The following NFATC4 variants were observed in gnomAD, a reference collection of about 807,000 sequenced individuals.
NFATC4 encodes nuclear factor of activated T-cells, cytoplasmic 4.
Under a neutral mutation model 73.4 loss-of-function variants are expected in NFATC4, and 25 were observed. That is an observed-to-expected ratio of 0.34 (90% CI 0.25 to 0.48). NFATC4 has a LOEUF of 0.48. Ranked by LOEUF, NFATC4 falls within the 20% of genes least tolerant of loss-of-function variation. The probability of loss-of-function intolerance (pLI) is 0.99; values close to 1 mark genes in which losing one functional copy is unlikely to be tolerated. For missense variants in NFATC4, 1,130 were observed against 1,203.7 expected (o/e 0.94, Z 0.91); for synonymous variants, 523 against 510.3 (o/e 1.02, Z -0.34).
intron 1 of NFATC4, chr14:24,369,083 C>T (rs1301218767): frequency 5.7e-6 from 8 of 1,413,480 alleles, no homozygotes; most frequent in African/African-American, 1.4e-5. Flanking sequence ...CCTCTGGCCA[C>T]GGTTGCGATG....
intron 6 of NFATC4, among the ~76,000 whole-genome samples, chr14:24,374,875 G>A (rs1407717956): frequency 6.6e-6 from 1 of 152,152 alleles, no homozygotes; most frequent in African/African-American, 2.4e-5. Flanking sequence ...GTGGAGGAAG[G>A]GAAGACTGAG....
chr14:24,370,214 C>T lies in NFATC4; in HGVS notation c.816C>T (p.Ser272=), dbSNP rs1268316910. 6.2e-7 allele frequency: 1 copy of T among 1,610,348 alleles called. No homozygotes were observed. Among genetic ancestry groups the T allele is most frequent in the African/African-American group, 1.3e-5 (1 of 75,056 alleles). ...PASPCGKRRY[S]SSGTPSSASP... is the part of the protein sequence containing the mutation. ...CTCCATGTGGCAAGCGGCGCTATTC[C>T]AGCTCGGGAACCCCATCTTCAGCCT... is the stretch of plus-strand genomic sequence containing the variant. Residue 272 remains serine, a synonymous_variant, in exon 2 of 10, where the codon TCC becomes TCT. Transcript: ENST00000250373.
At chr14:24,367,249 C>T (rs779997119), upstream of NFATC4, 72 of 1,610,286 alleles carry the variant, frequency 4.5e-5, 1 homozygote, top group Admixed American at 8.4e-5. Flanking sequence ...GGCGGGGGGG[C>T]CAAGGAGGGG....
rs56240078 is a variant in NFATC4 at position 24,378,529 on chromosome 14, C to G, written c.*824C>G. On this transcript the variant is annotated 3_prime_UTR_variant, in exon 10 of 10. Transcript: ENST00000250373. ...ACTCCTGGGCTCCTGTCCCCAGCCC[C>G]CATTCAGACACGCTGACTCAGGAGG... 10,382 of 152,982 alleles carry G rather than the reference C, an allele frequency of 0.068. 411 individuals are homozygous for G. Among genetic ancestry groups the G allele is most frequent in the African/African-American group, 0.096 (4,008 of 41,546 alleles). 9.5% of individuals were successfully genotyped at this position (152,982 alleles called of 1,614,324 possible).
chr14:24,368,984 A>G (rs940153235), intron 1 of NFATC4: 1 of 1,129,148 alleles, frequency 8.9e-7, no homozygotes, highest in African/African-American at 1.6e-5. Flanking sequence ...AGCACGCATC[A>G]CCCCCTCGGC....
chr14:24,370,803 T>A (rs941215316), intron 2 of NFATC4, among the ~76,000 whole-genome samples: 2 of 152,188 alleles, frequency 1.3e-5, no homozygotes, highest in African/African-American at 4.8e-5. Flanking sequence ...GGGCAACAGT[T>A]CCCTGTGGGA....
At position 24,377,490 on chromosome 14, in the gene NFATC4, A is replaced by T. The variant is rs1157109936; in HGVS notation, c.2642-148A>T. On this transcript the variant is annotated intron_variant, in intron 9 of 9. Coordinates refer to ENST00000250373, the MANE Select transcript of NFATC4 (RefSeq NM_004554.5). This position sits in a 1 kb window ranked among gnomAD's most constrained non-coding sequence, Gnocchi z 4.2. Reference sequence around the variant, plus strand: ...AGCAGGTGTCAAGACGTGTTGGGGAAACTGAGGCCCAGTGGAATAGAAGCC... The same window carrying T: ...AGCAGGTGTCAAGACGTGTTGGGGATACTGAGGCCCAGTGGAATAGAAGCC... 2 of 1,461,522 alleles carry T rather than the reference A, an allele frequency of 1.4e-6. No individual in the cohort carries two copies. Among genetic ancestry groups the T allele is most frequent in the Non-Finnish European group, 1.8e-6 (2 of 1,109,926 alleles). 90.5% of individuals were successfully genotyped at this position (1,461,522 alleles called of 1,614,324 possible). A position where few individuals can be genotyped will look rare whatever the true frequency, so the allele number is the denominator to read the frequency against.
At position 24,376,473 on chromosome 14, in the gene NFATC4, C is replaced by A. The variant is rs762313742; in HGVS notation, c.2236C>A (p.Pro746Thr). 21 of 1,613,574 alleles carry A rather than the reference C, an allele frequency of 1.3e-5. No individual in the cohort carries two copies. In the African/African-American group the frequency reaches 2.5e-4, roughly 20 times the overall value. Residue 746 changes from proline to threonine, a missense_variant, in exon 9 of 10, where the codon CCC becomes ACC. Around this residue, in one of 3 missense-constraint regions of NFATC4, gnomAD observed 390 missense variants for 408.1 expected, o/e 0.96. Transcript: ENST00000250373. This position sits in a 1 kb window ranked among gnomAD's most constrained non-coding sequence, Gnocchi z 5.0. ...YLSEGFGYGM[P>T]PLYPQTGPPP... ...ATCAGAAGGCTTCGGCTATGGCATG[C>A]CCCCTCTGTACCCCCAGACGGGGCC...
Position 24,374,363 on chromosome 14 carries a change from C to T in NFATC4, c.1770C>T (p.Ala590=), listed in dbSNP as rs377748325. 61 of 1,613,690 alleles carry T rather than the reference C, an allele frequency of 3.8e-5. No individual in the cohort carries two copies. The highest frequency in any genetic ancestry group is 4.5e-5 in the Non-Finnish European group (53 of 1,179,928). The change falls in exon 6 of 10, where the codon GCC becomes GCT. Residue 590 remains alanine (A), a synonymous_variant. Transcript: ENST00000250373. Reference sequence around the variant, plus strand: ...CCCAGGAGCTGCCCCAGGTGGAGGCCTACAGCCCCAGTGCCTGCTCTGTGA... The same window carrying T: ...CCCAGGAGCTGCCCCAGGTGGAGGCTTACAGCCCCAGTGCCTGCTCTGTGA... The part of the protein sequence containing the change: ...RSAQELPQVE[A]YSPSACSVRG...
In NFATC4 at chr14:24,376,600, C is replaced by T; in HGVS notation, c.2363C>T (p.Pro788Leu). Residue 788 changes from proline (P) to leucine (L), a missense_variant, in exon 9 of 10, where the codon CCT (proline) becomes CTT (leucine). Physicochemically the swap from Pro to Leu is moderately conservative, Grantham distance 98. Coordinates refer to ENST00000250373, the MANE Select transcript of NFATC4 (RefSeq NM_004554.5). This position sits in a 1 kb window ranked among gnomAD's most constrained non-coding sequence, Gnocchi z 5.0. The stretch of plus-strand genomic sequence containing the variant: ...GTTTCCTTCCTTCCCCGCCCCTTCC[C>T]TAGTGACCCGTATGGAGGGCGGGGC... ...PAVSFLPRPF[P>L]SDPYGGRGSS... 1 of 1,613,920 alleles carries T rather than the reference C, an allele frequency of 6.2e-7. No homozygotes were observed. The highest frequency in any genetic ancestry group is 8.5e-7 in the Non-Finnish European group (1 of 1,179,918).
intron 1 of NFATC4, chr14:24,368,992 G>C: frequency 2.6e-6 from 3 of 1,136,086 alleles, no homozygotes; most frequent in South Asian, 2.1e-5. Flanking sequence ...TCACCCCCTC[G>C]GCTGCACCTC....
At position 24,377,151 on chromosome 14, in the gene NFATC4, C is replaced by T; in HGVS notation, c.2641+273C>T. 5.4e-6 allele frequency: 7 copies of T among 1,294,824 alleles called. No homozygotes were observed. The highest frequency in any genetic ancestry group is 3.7e-5 in the Admixed American group (1 of 27,356). 80.2% of individuals were successfully genotyped at this position (1,294,824 alleles called of 1,614,324 possible). A position where few individuals can be genotyped will look rare whatever the true frequency, so the allele number is the denominator to read the frequency against. On this transcript the variant is annotated intron_variant, in intron 9 of 9. Coordinates refer to ENST00000250373, the MANE Select transcript of NFATC4 (RefSeq NM_004554.5). This position sits in a 1 kb window ranked among gnomAD's most constrained non-coding sequence, Gnocchi z 4.2. Reference sequence around the variant, plus strand: ...TCATAAAATCTCAGAGCTAGAAGCACTTTCAAGATCATTCCATCCAGCGCA... The same window carrying T: ...TCATAAAATCTCAGAGCTAGAAGCATTTTCAAGATCATTCCATCCAGCGCA...
chr14:24,369,403 TAGA>T lies in NFATC4; in HGVS notation c.101-93_101-91del, dbSNP rs777016538. ...TCTCTTTGCTGAGGGGCAGGGAGCA[TAGA>T]AGGACTTGCGGCCTGGCCACTCAAG... is the stretch of plus-strand genomic sequence containing the variant. On this transcript the variant is annotated intron_variant, in intron 1 of 9. Transcript: ENST00000250373. 12 of 1,604,674 alleles carry T rather than the reference TAGA, an allele frequency of 7.5e-6. No individual in the cohort carries two copies. In the Admixed American group the frequency reaches 1.0e-4, roughly 13 times the overall value.
chr14:24,370,684 C>T (rs2042451948), intron 2 of NFATC4, 90 bp downstream of exon 2: 5 of 1,484,434 alleles, frequency 3.4e-6, no homozygotes, highest in Non-Finnish European at 3.6e-6. Context: ...ACACTAGTTT[C>T]ATGCCCTCTG....
In NFATC4 at chr14:24,376,417, A is replaced by C. The variant is rs780273993; in HGVS notation, c.2180A>C (p.His727Pro). 3.7e-6 allele frequency: 6 copies of C among 1,613,314 alleles called. 1 individual carries two copies. In the South Asian group the frequency reaches 5.5e-5, roughly 15 times the overall value. The change falls in exon 9 of 10, where the codon CAT becomes CCT. Residue 727 changes from histidine (H) to proline (P), a missense_variant. His to Pro is a moderately conservative substitution (Grantham distance 77, BLOSUM62 -2). Coordinates refer to ENST00000250373, the MANE Select transcript of NFATC4 (RefSeq NM_004554.5). The surrounding 1 kb of genome is among the most constrained non-coding windows in gnomAD (Gnocchi z 5.0). ...PPRPPYPSYPHEDPACETPYL... is the reference protein window; with the variant it reads ...PPRPPYPSYPPEDPACETPYL... ...AGGCCCCCCTACCCCTCCTATCCCC[A>C]TGAAGACCCTGCTTGCGAAACTCCT... is the stretch of plus-strand genomic sequence containing the variant.
rs369520588 is a variant in NFATC4 at position 24,373,818 on chromosome 14, C to T, written c.1683C>T (p.Gly561=). Residue 561 remains glycine, a synonymous_variant, in exon 5 of 10, where the codon GGC becomes GGT. Transcript: ENST00000250373. This position sits in a 1 kb window ranked among gnomAD's most constrained non-coding sequence, Gnocchi z 4.7. Reference sequence around the variant, plus strand: ...TGTTCCGGGTACACGTGCCCCAGGGCGGCGGGAAGGTCGTCTCAGTACAGG... The same window carrying T: ...TGTTCCGGGTACACGTGCCCCAGGGTGGCGGGAAGGTCGTCTCAGTACAGG... ...RLVFRVHVPQ[G]GGKVVSVQAA... The T allele has an allele frequency of 4.0e-5, 64 of 1,614,070 alleles. No individual in the cohort carries two copies. The highest frequency in any genetic ancestry group is 3.3e-5 in the Non-Finnish European group (39 of 1,180,002).
chr14:24,374,037 G>T (rs2042545761), intron 5 of NFATC4, 170 bp downstream of exon 5: 1 of 1,067,568 alleles, frequency 9.4e-7, no homozygotes, highest in African/African-American at 1.6e-5. Flanking sequence ...CACAGACTCT[G>T]TCTCTGGGGT....
At position 24,373,025 on chromosome 14, in the gene NFATC4, G is replaced by A. The variant is rs181936226; in HGVS notation, c.1360-146G>A. 2.7e-5 allele frequency: 21 copies of A among 790,844 alleles called. No individual in the cohort carries two copies. Among genetic ancestry groups the A allele is most frequent in the Admixed American group, 5.5e-5 (2 of 36,266 alleles). 49.0% of individuals were successfully genotyped at this position (790,844 alleles called of 1,614,324 possible). On this transcript the variant is annotated intron_variant, in intron 3 of 9. Transcript: ENST00000250373. The surrounding 1 kb of genome is among the most constrained non-coding windows in gnomAD (Gnocchi z 4.7). ...CTCCAGGCCATGTTTTCTCCACAAC[G>A]GGTGCCCAGTTCCCCAAGGGATTCC...
chr14:24,376,490 G>C lies in NFATC4; in HGVS notation c.2253G>C (p.Gln751His). The C allele has an allele frequency of 1.2e-6, 2 of 1,613,670 alleles. No individual in the cohort carries two copies. The highest frequency in any genetic ancestry group is 1.3e-5 in the African/African-American group (1 of 74,984). ...ATGGCATGCCCCCTCTGTACCCCCAGACGGGGCCCCCACCATCCTACAGAC... is the reference window on the plus strand; with the variant it reads ...ATGGCATGCCCCCTCTGTACCCCCACACGGGGCCCCCACCATCCTACAGAC... The part of the protein sequence containing the change: ...FGYGMPPLYP[Q>H]TGPPPSYRPG... Residue 751 changes from glutamine to histidine, a missense_variant, in exon 9 of 10, where the codon CAG becomes CAC. Gln to His is a conservative substitution (Grantham distance 24). This residue lies in a region of NFATC4 where 390 missense variants were observed against 408.1 expected (regional missense o/e 0.96). Coordinates refer to ENST00000250373, the MANE Select transcript of NFATC4 (RefSeq NM_004554.5). The surrounding 1 kb of genome is among the most constrained non-coding windows in gnomAD (Gnocchi z 5.0).
Sources: gnomAD v4.1 joint callset for allele counts (sites outside exome capture counted in the v4.1 genomes callset) on GRCh38, gnomAD v4.1.1 for gene constraint, gnomAD v4.1.1 regional missense constraint, Gnocchi (gnomAD v3.1) non-coding constraint, MANE v1.5 for transcripts, NCBI Gene and HGNC (gene_info 2026-07-23, HGNC 2026-07-21) for gene names.